Variants in E2F7 observed in about 807,000 individuals in gnomAD.
The protein encoded by E2F7 is transcription factor E2F7.
E2F7 carries 35 observed loss-of-function variants against 81.1 expected under a neutral mutation model. That is an observed-to-expected ratio of 0.43 (90% CI 0.33 to 0.57). The LOEUF is 0.57. Among genes scored for constraint, E2F7 ranks in the 20% least tolerant of loss-of-function variants. The probability of loss-of-function intolerance (pLI) is 0.04; values close to 1 mark genes in which losing one functional copy is unlikely to be tolerated. For synonymous variants in E2F7, 416 were observed against 416.2 expected (o/e 1.00, Z 0.01); for missense variants, 961 against 1,093.7 (o/e 0.88, Z 1.71).
intron 7 of E2F7, among the ~76,000 whole-genome samples, chr12:77,040,391 G>C (rs916602408): frequency 6.6e-6 from 1 of 152,164 alleles, no homozygotes; most frequent in Non-Finnish European, 1.5e-5. Context: ...CAGAATGCTG[G>C]CTTATGGTAT....
At chr12:77,042,369 A>T (rs1369346118) in intron 7 of E2F7, among the ~76,000 whole-genome samples, 1 of 152,232 alleles carries the variant, frequency 6.6e-6, no homozygotes, top group Non-Finnish European at 1.5e-5. Context: ...TCACATTTAC[A>T]CCACTAACAC....
At chr12:77,040,090 G>A (rs184452293) in intron 7 of E2F7, among the ~76,000 whole-genome samples, 25 of 152,194 alleles carry the variant, frequency 1.6e-4, no homozygotes, top group Admixed American at 1.3e-3. Context: ...GACATAAAGG[G>A]TTAGGTTCCT....
chr12:77,030,054 A>C lies in E2F7; in HGVS notation c.1661T>G (p.Leu554Arg). ...QPLVYVPSASLFMLYGSLQEG... is the reference protein window; with the variant it reads ...QPLVYVPSASRFMLYGSLQEG... ...CTGCAGACTTCCATACAGCATGAAC[A>C]GTGAGGCAGAGGGCACATACACTAG... The change falls in exon 10 of 13, where the codon CTG (leucine) becomes CGG (arginine). Residue 554 changes from leucine (L) to arginine (R), a missense_variant. Coordinates refer to ENST00000322886, the MANE Select transcript of E2F7 (RefSeq NM_203394.3). 1 of 1,614,192 alleles carries C rather than the reference A, an allele frequency of 6.2e-7. No homozygotes were observed. Among genetic ancestry groups the C allele is most frequent in the Non-Finnish European group, 8.5e-7 (1 of 1,180,042 alleles).
At chr12:77,049,478 C>T (rs536867629) in intron 4 of E2F7, among the ~76,000 whole-genome samples, 3 of 152,268 alleles carry the variant, frequency 2.0e-5, no homozygotes, top group East Asian at 3.9e-4. Context: ...GACATTATCC[C>T]TAACTTTGCT....
In E2F7 at chr12:77,023,816, T is replaced by A; in HGVS notation, c.*199A>T. Reference sequence around the variant, plus strand: ...GCTTTCACTGTGACACCATGCAGAGTCGGAACTCTAACTGGTATTAAATGC... The same window carrying A: ...GCTTTCACTGTGACACCATGCAGAGACGGAACTCTAACTGGTATTAAATGC... On this transcript the variant is annotated 3_prime_UTR_variant, in exon 13 of 13. Transcript: ENST00000322886. 1 of 607,792 alleles carries A rather than the reference T, an allele frequency of 1.6e-6. No homozygotes were observed. The highest frequency in any genetic ancestry group is 2.7e-6 in the Non-Finnish European group (1 of 367,174). 37.6% of individuals were successfully genotyped at this position (607,792 alleles called of 1,614,324 possible).
chr12:77,030,946 A>G (rs1035398226), intron 9 of E2F7, among the ~76,000 whole-genome samples: 1 of 152,254 alleles, frequency 6.6e-6, no homozygotes, highest in African/African-American at 2.4e-5. Flanking sequence ...ATCCAGTATG[A>G]AAGAAATGAA....
chr12:77,055,746 C>A, intron 3 of E2F7, 109 bp downstream of exon 3: 1 of 1,284,570 alleles, frequency 7.8e-7, no homozygotes, highest in Non-Finnish European at 1.1e-6. Context: ...CAGTTTGCCA[C>A]TGCTTTTGGC....
chr12:77,045,731 A>C, intron 5 of E2F7: 1 of 319,746 alleles, frequency 3.1e-6, no homozygotes, highest in Non-Finnish European at 5.7e-6. Flanking sequence ...TTTCAAAGTA[A>C]ATCTTACAGT....
chr12:77,043,511 G>C (rs1954911699), intron 6 of E2F7, among the ~76,000 whole-genome samples: 1 of 152,056 alleles, frequency 6.6e-6, no homozygotes, highest in Non-Finnish European at 1.5e-5. Flanking sequence ...GTAATTAAAA[G>C]CTTAGTAAAT....
chr12:77,025,054 G>T (rs1433745232), intron 12 of E2F7, among the ~76,000 whole-genome samples: 1 of 151,996 alleles, frequency 6.6e-6, no homozygotes, highest in Non-Finnish European at 1.5e-5. Flanking sequence ...ATACATCTAT[G>T]TATTATAGAT....
Position 77,029,878 on chromosome 12 carries a change from G to T in E2F7, c.1837C>A (p.Gln613Lys). 1 of 1,614,228 alleles carries T rather than the reference G, an allele frequency of 6.2e-7. No homozygotes were observed. Among genetic ancestry groups the T allele is most frequent in the Non-Finnish European group, 8.5e-7 (1 of 1,180,038 alleles). Residue 613 changes from glutamine to lysine, a missense_variant, in exon 10 of 13, where the codon CAA becomes AAA. Physicochemically the swap from Gln to Lys is moderately conservative, Grantham distance 53. This residue lies in a region of E2F7 where 587 missense variants were observed against 620.3 expected (regional missense o/e 0.95). Transcript: ENST00000322886. ...GGGCCGTCTTCATATTCCCTACTTT[G>T]CCTTTTAGTGGCTGGCTCATCCTCC... The part of the protein sequence containing the change: ...QEEDEPATKR[Q>K]SREYEDGPLS...
chr12:77,064,669 G>T, intron 1 of E2F7, 34 bp from the exon 2 acceptor site: 2 of 1,583,022 alleles, frequency 1.3e-6, no homozygotes, highest in Non-Finnish European at 1.7e-6. Flanking sequence ...AAATGATTTT[G>T]CAATTAGGTA....
rs1216606860 is a variant in E2F7, at chr12:77,044,716, G to C, written c.909C>G (p.Thr303=). 7 of 1,614,068 alleles carry C rather than the reference G, an allele frequency of 4.3e-6. No individual in the cohort carries two copies. The highest frequency in any genetic ancestry group is 5.1e-6 in the Non-Finnish European group (6 of 1,180,006). ...KFVMLFLVSK[T]KIVTLDVAAK... is the part of the protein sequence containing the mutation. The stretch of plus-strand genomic sequence containing the variant: ...CAGCCACATCCAGAGTGACAATCTT[G>C]GTTTTGGAGACGAGGAACAGCATGA... The change falls in exon 6 of 13, where the codon ACC becomes ACG. Residue 303 remains threonine (T), a synonymous_variant. Transcript: ENST00000322886.
chr12:77,058,226 A>T (rs36098467), intron 2 of E2F7, among the ~76,000 whole-genome samples: 60,449 of 151,882 alleles, frequency 0.4, 12,535 homozygotes, highest in East Asian at 0.79. Flanking sequence ...GAAATTACTG[A>T]TTACTATGTG....
chr12:77,024,470 A>G (rs1954742196), intron 12 of E2F7, among the ~76,000 whole-genome samples: 1 of 152,066 alleles, frequency 6.6e-6, no homozygotes, highest in Non-Finnish European at 1.5e-5. Flanking sequence ...TACTTAAGCA[A>G]CCTGTCCCTC....
At chr12:77,037,620 ATAAACCC>A (rs1347656329) in intron 7 of E2F7, among the ~76,000 whole-genome samples, 3 of 152,238 alleles carry the variant, frequency 2.0e-5, no homozygotes, top group African/African-American at 7.2e-5. Context: ...ACTGTATACT[ATAAACCC>A]TAAAGGAACC....
At position 77,028,019 on chromosome 12, in the gene E2F7, C is replaced by G; in HGVS notation, c.2004G>C (p.Lys668Asn). Residue 668 changes from lysine to asparagine, a missense_variant, in exon 11 of 13, where the codon AAG becomes AAC. Physicochemically the swap from Lys to Asn is moderately conservative, Grantham distance 94. Coordinates refer to ENST00000322886, the MANE Select transcript of E2F7 (RefSeq NM_203394.3). ...QLPAAEEISG[K>N]ATANSLVSSE... is the part of the protein sequence containing the mutation. ...AAGAAACAAGAGAGTTTGCTGTTGC[C>G]TTTCCTGAAATCTCTTCTGCAGCAG... 1.9e-6 allele frequency: 3 copies of G among 1,614,168 alleles called. No homozygotes were observed. Among genetic ancestry groups the G allele is most frequent in the Non-Finnish European group, 2.5e-6 (3 of 1,180,022 alleles).
chr12:77,055,424 G>A (rs934357300), intron 3 of E2F7, among the ~76,000 whole-genome samples: 1 of 151,256 alleles, frequency 6.6e-6, no homozygotes, highest in African/African-American at 2.4e-5. Flanking sequence ...CACAGAACAG[G>A]TAATTTAAAG....
chr12:77,024,637 G>A (rs1411510302), intron 12 of E2F7, among the ~76,000 whole-genome samples: 5 of 152,192 alleles, frequency 3.3e-5, no homozygotes, highest in Admixed American at 3.3e-4. Flanking sequence ...ATCCCCTAAT[G>A]TTAAATGTTA....
Sources: gnomAD v4.1 joint callset for allele counts (sites outside exome capture counted in the v4.1 genomes callset) on GRCh38, gnomAD v4.1.1 for gene constraint, gnomAD v4.1.1 regional missense constraint, MANE v1.5 for transcripts, NCBI Gene and HGNC (gene_info 2026-07-23, HGNC 2026-07-21) for gene names.